CNTLN: variants seen among roughly 807,000 people sequenced by gnomAD.
CNTLN encodes centlein, centrosomal protein.
A neutral mutation model predicts 180.0 loss-of-function variants in CNTLN; 212 were observed. The ratio of observed to expected loss-of-function variants is 1.18; its 90% CI spans 1.05 to 1.32. The LOEUF is 1.32. CNTLN is among the 40% of genes most tolerant of loss of function. CNTLN has a pLI of 0.00. For missense variants in CNTLN, 2,095 were observed against 1,610.9 expected (o/e 1.30, Z -5.14); for synonymous variants, 722 against 563.1 (o/e 1.28, Z -3.99).
intron 15 of CNTLN, among the ~76,000 whole-genome samples, chr9:17,407,601 G>A (rs567000303): frequency 1.3e-5 from 2 of 152,298 alleles, no homozygotes; most frequent in East Asian, 3.9e-4. Context: ...GGAGAAATAT[G>A]TGGCTTTAAT....
At chr9:17,513,410 A>G in the CNTLN span, among the ~76,000 whole-genome samples, 187 of 152,298 alleles carry the variant, frequency 1.2e-3, no homozygotes, top group Non-Finnish European at 2.3e-3. Context: ...AATATAAAAT[A>G]TCATGCTGGG....
chr9:17,440,617 A>T (rs1830055571), intron 18 of CNTLN, among the ~76,000 whole-genome samples: 1 of 151,570 alleles, frequency 6.6e-6, no homozygotes, highest in Admixed American at 6.6e-5. Context: ...TGAAAACATA[A>T]GTTCACATAA....
intron 1 of CNTLN, among the ~76,000 whole-genome samples, chr9:17,138,797 A>G (rs1817888743): frequency 6.6e-6 from 1 of 152,202 alleles, no homozygotes; most frequent in East Asian, 1.9e-4. Flanking sequence ...GGCTTAATAT[A>G]TTGCCAACAC....
At chr9:17,302,188 C>G in intron 7 of CNTLN, 1 of 886,634 alleles carries the variant, frequency 1.1e-6, no homozygotes, top group Non-Finnish European at 1.3e-6. Context: ...ATCATATTAA[C>G]CATATGCAAT....
chr9:17,301,353 G>T (rs1035524778), intron 7 of CNTLN: 1 of 985,268 alleles, frequency 1.0e-6, no homozygotes, highest in Admixed American at 6.1e-5. Flanking sequence ...TATAGAAAAT[G>T]AGAGATGTAA....
chr9:17,180,452 C>A (rs1257996484), intron 2 of CNTLN, among the ~76,000 whole-genome samples: 1 of 150,600 alleles, frequency 6.6e-6, no homozygotes, highest in Non-Finnish European at 1.5e-5. Context: ...AGAAACCTTT[C>A]TCTCTATTTT....
At chr9:17,177,258 A>T (rs1820774354) in intron 2 of CNTLN, among the ~76,000 whole-genome samples, 1 of 151,976 alleles carries the variant, frequency 6.6e-6, no homozygotes, top group South Asian at 2.1e-4. Context: ...AAATACAAAA[A>T]ATTAGCCTGG....
the CNTLN span, among the ~76,000 whole-genome samples, chr9:17,519,845 T>C: frequency 6.6e-6 from 1 of 152,186 alleles, no homozygotes; most frequent in Admixed American, 6.5e-5. Flanking sequence ...TAGGTGTCAG[T>C]AGAGTTTCTA....
chr9:17,164,838 C>CTT (rs565706282), intron 2 of CNTLN, among the ~76,000 whole-genome samples: 24 of 134,598 alleles, frequency 1.8e-4, no homozygotes, highest in African/African-American at 3.8e-4. Context: ...TTCTTTCTTT[C>CTT]TTTTTTTTTT....
chr9:17,384,085 G>T (rs934146483), intron 13 of CNTLN, among the ~76,000 whole-genome samples: 7 of 152,056 alleles, frequency 4.6e-5, no homozygotes, highest in Non-Finnish European at 8.8e-5. Flanking sequence ...TTAAAAGTGT[G>T]GGCTTAAGGA....
intron 9 of CNTLN, among the ~76,000 whole-genome samples, chr9:17,332,394 A>T (rs1820702926): frequency 6.6e-6 from 1 of 152,114 alleles, no homozygotes; most frequent in Non-Finnish European, 1.5e-5. Flanking sequence ...ATGTAAATGT[A>T]AATGAATATT....
intron 16 of CNTLN, among the ~76,000 whole-genome samples, chr9:17,411,743 C>T (rs367585082): frequency 1.3e-5 from 2 of 152,164 alleles, no homozygotes; most frequent in African/African-American, 4.8e-5. Context: ...GCCTGATGAT[C>T]TGAGGTAGAA....
Position 17,342,457 on chromosome 9 carries a change from T to G in CNTLN, c.1886+13T>G. The G allele has an allele frequency of 6.3e-7, 1 of 1,593,780 alleles. No homozygotes were observed. The highest frequency in any genetic ancestry group is 8.5e-7 in the Non-Finnish European group (1 of 1,173,602). The stretch of plus-strand genomic sequence containing the variant: ...TAATGATTCAAAAGTGAGTTTCATT[T>G]TTAACAATATGGACTTAGATAAAAT... On this transcript the variant is annotated intron_variant, in intron 12 of 25. Coordinates refer to ENST00000380647, the MANE Select transcript of CNTLN (RefSeq NM_017738.4).
chr9:17,475,612 T>C (rs1024375893), intron 23 of CNTLN, among the ~76,000 whole-genome samples: 2 of 151,908 alleles, frequency 1.3e-5, no homozygotes, highest in South Asian at 2.1e-4. Flanking sequence ...GTGGCTCACG[T>C]CTGTAATCCT....
chr9:17,368,140 C>G (rs925786859), intron 13 of CNTLN, among the ~76,000 whole-genome samples: 16 of 152,028 alleles, frequency 1.1e-4, no homozygotes, highest in African/African-American at 3.9e-4. Flanking sequence ...AGTCCCAGGC[C>G]TGGCAGCATT....
intron 23 of CNTLN, among the ~76,000 whole-genome samples, chr9:17,474,953 C>A (rs1414248249): frequency 6.6e-6 from 1 of 151,894 alleles, no homozygotes; most frequent in East Asian, 1.9e-4. Flanking sequence ...AAATGGAAAA[C>A]CTTGACTGCC....
intron 15 of CNTLN, among the ~76,000 whole-genome samples, chr9:17,401,974 A>G (rs1162185040): frequency 2.0e-5 from 3 of 151,862 alleles, no homozygotes; most frequent in Non-Finnish European, 4.4e-5. Flanking sequence ...AGACGCATCA[A>G]TAGAAAATGG....
intron 16 of CNTLN, among the ~76,000 whole-genome samples, chr9:17,413,457 A>AT (rs1828001871): frequency 6.6e-6 from 1 of 152,112 alleles, no homozygotes; most frequent in Admixed American, 6.5e-5. Context: ...AAAAGACACT[A>AT]TATAGAAGAG....
chr9:17,298,589 G>A, intron 7 of CNTLN: 1 of 1,095,772 alleles, frequency 9.1e-7, no homozygotes, highest in Non-Finnish European at 1.1e-6. Context: ...ACTCTATAGG[G>A]TATTATTTTT....
Sources: allele counts gnomAD v4.1 joint callset (sites outside exome capture counted in the v4.1 genomes callset), GRCh38; gene constraint gnomAD v4.1.1; transcripts MANE v1.5; gene names NCBI Gene and HGNC (gene_info 2026-07-23, HGNC 2026-07-21).